IQSEC3: variants seen among roughly 807,000 people sequenced by gnomAD.
The protein encoded by IQSEC3 is IQ motif and SEC7 domain-containing protein 3.
Under a neutral mutation model 105.4 loss-of-function variants are expected in IQSEC3, and 50 were observed. The ratio of observed to expected loss-of-function variants is 0.47; its 90% confidence interval spans 0.38 to 0.60. The LOEUF is 0.60. Among genes scored for constraint, IQSEC3 ranks in the 20% least tolerant of loss-of-function variants. IQSEC3 has a pLI of 0.00. For synonymous variants in IQSEC3, 708 were observed against 746.0 expected, an observed-to-expected ratio of 0.95 and a Z score of 0.83; for missense variants, 1,415 against 1,630.0, an observed-to-expected ratio of 0.87 and a Z score of 2.27.
At chr12:122,742 T>A (rs1291415817) in intron 2 of IQSEC3, among the ~76,000 whole-genome samples, 2 of 152,172 alleles carry the variant, frequency 1.3e-5, no homozygotes, top group East Asian at 1.9e-4. Flanking sequence ...AACCCCGTTG[T>A]CATTGGCCGA....
At chr12:168,944 A>G (rs1283532376) in intron 11 of IQSEC3, 69 bp from the exon 12 acceptor site, 2 of 1,348,588 alleles carry the variant, frequency 1.5e-6, no homozygotes, top group African/African-American at 1.4e-5. Context: ...CTGGCCCCTC[A>G]TTTCCTGCCT....
At chr12:88,253 A>G (rs1555072572) in intron 1 of IQSEC3, among the ~76,000 whole-genome samples, 2 of 152,334 alleles carry the variant, frequency 1.3e-5, no homozygotes, top group East Asian at 1.9e-4. Flanking sequence ...CTTAACCTTA[A>G]TAAGGTCCCT....
Position 138,861 on chromosome 12 carries a change from T to A in IQSEC3, c.1498T>A (p.Ser500Thr), listed in dbSNP as rs782604156. The change falls in exon 4 of 14, where the codon TCC becomes ACC. Residue 500 changes from serine (S) to threonine (T), a missense_variant. Physicochemically the swap from Ser to Thr is moderately conservative, Grantham distance 58. Transcript: ENST00000538872. The surrounding 1 kb of genome is among the most constrained non-coding windows in gnomAD (Gnocchi z 7.1). ...VQIANQNISV[S>T]SSTALSVANC... ...GATCGCCAACCAGAACATATCCGTCTCCTCCTCCACGGCTCTGTCGGTGGC... is the reference window on the plus strand; with the variant it reads ...GATCGCCAACCAGAACATATCCGTCACCTCCTCCACGGCTCTGTCGGTGGC... 5 of 1,611,862 alleles carry A rather than the reference T, an allele frequency of 3.1e-6. No homozygotes were observed. The highest frequency in any genetic ancestry group is 4.2e-6 in the Non-Finnish European group (5 of 1,179,324).
At chr12:169,327 C>T (rs781804102) in intron 12 of IQSEC3, among the ~76,000 whole-genome samples, 21 of 152,178 alleles carry the variant, frequency 1.4e-4, no homozygotes, top group Non-Finnish European at 2.6e-4. Context: ...CAAACTGCAC[C>T]AGAGGTCTGG....
chr12:168,646 G>A (rs1938803681), intron 11 of IQSEC3, among the ~76,000 whole-genome samples: 2 of 152,142 alleles, frequency 1.3e-5, no homozygotes, highest in African/African-American at 4.8e-5. Flanking sequence ...CGTGAAGTGG[G>A]CCTGGCTGTC....
At chr12:96,770 T>A (rs1351629850) in intron 1 of IQSEC3, among the ~76,000 whole-genome samples, 1 of 152,220 alleles carries the variant, frequency 6.6e-6, no homozygotes, top group Non-Finnish European at 1.5e-5. Context: ...TATGGAGGCA[T>A]GTCCTACCCC....
chr12:150,247 C>A (rs12297314), intron 5 of IQSEC3, among the ~76,000 whole-genome samples: 225 of 152,208 alleles, frequency 1.5e-3, no homozygotes, highest in African/African-American at 5.1e-3. Context: ...GCTTCAGGCC[C>A]CCTGTGTTGG....
chr12:172,927 C>A (rs782779954), intron 13 of IQSEC3, among the ~76,000 whole-genome samples: 54 of 152,106 alleles, frequency 3.6e-4, no homozygotes, highest in African/African-American at 1.3e-3. Flanking sequence ...AGAGGGGGCG[C>A]GGCACGGGGA....
intron 5 of IQSEC3, among the ~76,000 whole-genome samples, chr12:151,261 G>A (rs546514450): frequency 3.5e-5 from 5 of 144,094 alleles, no homozygotes; most frequent in Admixed American, 7.0e-5. Context: ...TGGAGACTCC[G>A]TCTCTCCTCC....
At chr12:132,270 T>C (rs1565419874) in intron 3 of IQSEC3, among the ~76,000 whole-genome samples, 1 of 151,866 alleles carries the variant, frequency 6.6e-6, no homozygotes, top group African/African-American at 2.4e-5. Flanking sequence ...GGGAGCCTCG[T>C]GGGGGCGGTC....
chr12:86,143 A>G (rs11614957), intron 1 of IQSEC3, among the ~76,000 whole-genome samples: 85,183 of 152,074 alleles, frequency 0.56, 24,858 homozygotes, highest in African/African-American at 0.67. Flanking sequence ...CATTCCACTA[A>G]TGTCTCAGGG....
In IQSEC3 at chr12:125,869, C is replaced by A; in HGVS notation, c.860C>A (p.Ala287Asp). The A allele has an allele frequency of 6.5e-7, 1 of 1,533,674 alleles. No homozygotes were observed. The highest frequency in any genetic ancestry group is 8.7e-7 in the Non-Finnish European group (1 of 1,146,420). ...ACGGCGCTGTGCCCCCACGCCCCTG[C>A]CGCCTCCGATTACGAACTCTCCCTT... ...LATALCPHAP[A>D]ASDYELSLDL... The change falls in exon 3 of 14, where the codon GCC (alanine) becomes GAC (aspartate). Residue 287 changes from alanine (A) to aspartate (D), a missense_variant. Ala to Asp is a moderately radical substitution (Grantham distance 126). Transcript: ENST00000538872.
At chr12:171,004 C>A in intron 12 of IQSEC3, 108 bp from the exon 13 acceptor site, 2 of 1,347,012 alleles carry the variant, frequency 1.5e-6, no homozygotes, top group South Asian at 1.2e-5. Flanking sequence ...CAGTGAGGAG[C>A]AGTGTGACCC....
At chr12:82,097 G>T (rs1555070843) in intron 1 of IQSEC3, among the ~76,000 whole-genome samples, 3 of 152,314 alleles carry the variant, frequency 2.0e-5, no homozygotes, top group South Asian at 4.1e-4. Context: ...GATCCGGCTT[G>T]ATTTAGACAA....
chr12:121,252 T>A (rs185257685), intron 2 of IQSEC3, among the ~76,000 whole-genome samples: 1 of 152,308 alleles, frequency 6.6e-6, no homozygotes, highest in Admixed American at 6.5e-5. Flanking sequence ...GGCTTCCAGT[T>A]CCATAAGAGA....
chr12:151,840 C>G (rs1035674173), intron 5 of IQSEC3, among the ~76,000 whole-genome samples: 8 of 152,146 alleles, frequency 5.3e-5, no homozygotes, highest in Non-Finnish European at 1.2e-4. Context: ...GCCCACCTGA[C>G]AGCTCTCCCC....
intron 2 of IQSEC3, among the ~76,000 whole-genome samples, chr12:112,643 G>A (rs1303906291): frequency 6.6e-6 from 1 of 152,132 alleles, no homozygotes; most frequent in Non-Finnish European, 1.5e-5. Flanking sequence ...CTCAACCATA[G>A]CATGAGGGGT....
intron 2 of IQSEC3, among the ~76,000 whole-genome samples, chr12:118,152 G>A (rs1865108670): frequency 6.6e-6 from 1 of 152,154 alleles, no homozygotes. Context: ...TGCAGGCTGC[G>A]GTGGGATTGC....
intron 2 of IQSEC3, among the ~76,000 whole-genome samples, chr12:109,276 G>C (rs1358401190): frequency 1.3e-5 from 2 of 152,212 alleles, no homozygotes; most frequent in African/African-American, 4.8e-5. Flanking sequence ...CAGCTGCAGA[G>C]GTGTGCCCTC....
Sources: gnomAD v4.1 joint callset for allele counts (sites outside exome capture counted in the v4.1 genomes callset) on GRCh38, gnomAD v4.1.1 for gene constraint, Gnocchi (gnomAD v3.1) non-coding constraint, MANE v1.5 for transcripts, NCBI Gene and HGNC (gene_info 2026-07-23, HGNC 2026-07-21) for gene names.